GRIK2: variants seen among roughly 807,000 people sequenced by gnomAD.
GRIK2 encodes the protein glutamate ionotropic receptor kainate type subunit 2, also known as glutamate receptor ionotropic, kainate 2.
Under a neutral mutation model 100.3 loss-of-function variants are expected in GRIK2, and 32 were observed. The observed-to-expected ratio is 0.32, with a 90% CI of 0.24 to 0.43. The LOEUF (loss-of-function observed/expected upper bound fraction) is 0.43, where lower values mean the gene tolerates loss of function less well. Ranked by LOEUF, GRIK2 falls within the 20% of genes least tolerant of loss-of-function variation. GRIK2 has a pLI of 1.00. For missense variants in GRIK2, 843 were observed against 1,114.9 expected, an observed-to-expected ratio of 0.76 and a Z score of 3.47; for synonymous variants, 417 against 389.4, an observed-to-expected ratio of 1.07 and a Z score of -0.83.
At chr6:101,996,133 T>G (rs1794640028) in intron 14 of GRIK2, among the ~76,000 whole-genome samples, 1 of 152,076 alleles carries the variant, frequency 6.6e-6, no homozygotes, top group South Asian at 2.1e-4. Flanking sequence ...CTCAATTCAT[T>G]GTTCTAAGGT....
At chr6:101,448,828 CA>C (rs1356640305) in intron 2 of GRIK2, among the ~76,000 whole-genome samples, 2 of 151,532 alleles carry the variant, frequency 1.3e-5, no homozygotes, top group African/African-American at 4.8e-5. Context: ...TGGGTAGAAG[CA>C]TATGGCTAGA....
chr6:102,035,726 A>G (rs1274969764), intron 15 of GRIK2, among the ~76,000 whole-genome samples, 160 bp downstream of exon 15: 1 of 151,462 alleles, frequency 6.6e-6, no homozygotes, highest in African/African-American at 2.4e-5. Context: ...CATTTTGGAC[A>G]TATTCTTCTG....
intron 2 of GRIK2, among the ~76,000 whole-genome samples, chr6:101,432,373 T>C (rs976201076): frequency 6.6e-6 from 1 of 152,206 alleles, no homozygotes; most frequent in Non-Finnish European, 1.5e-5. Context: ...TCTTAATCCT[T>C]TGGAGTATTC....
intron 4 of GRIK2, among the ~76,000 whole-genome samples, chr6:101,640,076 C>T (rs9498655): frequency 3.1e-4 from 47 of 152,220 alleles, no homozygotes; most frequent in African/African-American, 1.1e-3. Flanking sequence ...GAAAACAAAA[C>T]TTATTGTGTA....
intron 2 of GRIK2, among the ~76,000 whole-genome samples, chr6:101,494,301 T>C (rs1174599957): frequency 2.0e-5 from 3 of 151,276 alleles, no homozygotes; most frequent in African/African-American, 7.3e-5. Flanking sequence ...AATGCCCATT[T>C]TGAAAAATTC....
chr6:101,948,407 A>T (rs908093240), intron 14 of GRIK2, among the ~76,000 whole-genome samples: 1 of 150,162 alleles, frequency 6.7e-6, no homozygotes, highest in Non-Finnish European at 1.5e-5. Context: ...AGTGTTAACC[A>T]TCAGTGCCAT....
intron 14 of GRIK2, among the ~76,000 whole-genome samples, chr6:101,954,933 G>A (rs1002762304): frequency 1.3e-5 from 2 of 152,002 alleles, no homozygotes; most frequent in African/African-American, 4.8e-5. Context: ...ATTTGTCAAT[G>A]CTTTTCCTGA....
chr6:101,693,647 A>C (rs537156463), intron 7 of GRIK2, among the ~76,000 whole-genome samples: 3 of 152,034 alleles, frequency 2.0e-5, no homozygotes, highest in African/African-American at 7.2e-5. Flanking sequence ...AAAAGTGCCA[A>C]TACAAAGGAA....
At chr6:101,486,768 G>A (rs1388678744) in intron 2 of GRIK2, among the ~76,000 whole-genome samples, 1 of 118,594 alleles carries the variant, frequency 8.4e-6, no homozygotes, top group Admixed American at 8.0e-5. Context: ...ATACTTGCAC[G>A]TGTAAGATTC....
chr6:101,598,946 A>T lies in GRIK2; in HGVS notation c.116-23003A>T, dbSNP rs1779061351. 2.0e-5 allele frequency among the ~76,000 whole-genome samples: 3 copies of T among 151,540 alleles called. No individual in the cohort carries two copies. In the Admixed American group the frequency reaches 2.0e-4, roughly 10 times the overall value. ...ATTTTAATTTTAGATTCATGAGTGT[A>T]TGTGGAGGTTTGTATGTGGCTATAT... On this transcript the variant is annotated intron_variant, in intron 2 of 16. Transcript: ENST00000369134.
At chr6:102,056,875 ATGAC>A (rs1771488208) in intron 16 of GRIK2, among the ~76,000 whole-genome samples, 1 of 151,966 alleles carries the variant, frequency 6.6e-6, no homozygotes, top group African/African-American at 2.4e-5. Context: ...CATTTTGTCT[ATGAC>A]TGAAATAACA....
At chr6:101,855,816 A>G (rs1784396758) in intron 10 of GRIK2, among the ~76,000 whole-genome samples, 1 of 19,912 alleles carries the variant, frequency 5.0e-5, no homozygotes, top group Non-Finnish European at 8.9e-5. Context: ...TCTGGGGAGA[A>G]TGGACTGAGG....
intron 14 of GRIK2, among the ~76,000 whole-genome samples, chr6:101,949,324 A>T (rs1791470364): frequency 6.6e-6 from 1 of 152,086 alleles, no homozygotes; most frequent in Admixed American, 6.6e-5. Flanking sequence ...CTTTTAATTT[A>T]CACACTCAGG....
intron 2 of GRIK2, among the ~76,000 whole-genome samples, chr6:101,534,701 G>A (rs1167854207): frequency 1.3e-5 from 2 of 151,810 alleles, no homozygotes; most frequent in Non-Finnish European, 2.9e-5. Context: ...AAAAATGGTA[G>A]CATATCTTTG....
At chr6:101,884,131 A>G (rs1283562081) in intron 11 of GRIK2, among the ~76,000 whole-genome samples, 1 of 152,164 alleles carries the variant, frequency 6.6e-6, no homozygotes, top group Non-Finnish European at 1.5e-5. Flanking sequence ...AAGTGTACAC[A>G]GAGACAAATT....
chr6:101,745,110 AT>A (rs2128380681), intron 7 of GRIK2: 1 of 152,356 alleles, frequency 6.6e-6, no homozygotes, highest in Non-Finnish European at 1.5e-5. Context: ...GAATGCTAAC[AT>A]AAGGATTAAT....
At chr6:101,533,571 A>G (rs1259612280) in intron 2 of GRIK2, among the ~76,000 whole-genome samples, 1 of 151,900 alleles carries the variant, frequency 6.6e-6, no homozygotes, top group East Asian at 1.9e-4. Context: ...AATCTACAAA[A>G]CTATTCAGAG....
chr6:101,565,915 T>TATA (rs1777234411), intron 2 of GRIK2, among the ~76,000 whole-genome samples: 1 of 123,338 alleles, frequency 8.1e-6, no homozygotes, highest in African/African-American at 3.5e-5. Context: ...TATACCTATT[T>TATA]TATATATATA....
At chr6:101,643,846 T>G (rs1781397805) in intron 4 of GRIK2, among the ~76,000 whole-genome samples, 1 of 151,848 alleles carries the variant, frequency 6.6e-6, no homozygotes, top group African/African-American at 2.4e-5. Context: ...CCAAGGAAAT[T>G]TGAGTTATAC....
Sources: gnomAD v4.1 joint callset for allele counts (sites outside exome capture counted in the v4.1 genomes callset) on GRCh38, gnomAD v4.1.1 for gene constraint, MANE v1.5 for transcripts, NCBI Gene and HGNC (gene_info 2026-07-23, HGNC 2026-07-21) for gene names.